SMC5: variants seen among roughly 807,000 people sequenced by gnomAD.
SMC5 encodes the protein structural maintenance of chromosomes 5.
SMC5 carries 88 observed loss-of-function variants against 148.3 expected under a neutral mutation model. The observed-to-expected ratio is 0.59, with a 90% CI of 0.50 to 0.71. The LOEUF is 0.71. Ranked by LOEUF, SMC5 falls within the 30% of genes least tolerant of loss-of-function variation. The probability of loss-of-function intolerance (pLI) is 0.00; values close to 1 mark genes in which losing one functional copy is unlikely to be tolerated. For synonymous variants in SMC5, 421 were observed against 432.8 expected, an observed-to-expected ratio of 0.97 and a Z score of 0.34; for missense variants, 1,142 against 1,298.9, an observed-to-expected ratio of 0.88 and a Z score of 1.86.
At position 70,354,173 on chromosome 9, in the gene SMC5, A is replaced by C. The variant is rs1204087245; in HGVS notation, c.*1842A>C. The C allele has an allele frequency of 6.6e-6, 1 of 152,226 alleles. No homozygotes were observed. Among genetic ancestry groups the C allele is most frequent in the Non-Finnish European group, 1.5e-5 (1 of 68,042 alleles). 9.4% of individuals were successfully genotyped at this position (152,226 alleles called of 1,614,324 possible). ...GTATCATTTTAGCATATTAAACAGT[A>C]GTAAGTCTAGCACATAGTCTCAGCC... On this transcript the variant is annotated 3_prime_UTR_variant, in exon 25 of 25. Coordinates refer to ENST00000361138, the MANE Select transcript of SMC5 (RefSeq NM_015110.4).
At chr9:70,277,498 G>T (rs1442300722) in intron 4 of SMC5, 26 bp downstream of exon 4, 1 of 1,548,672 alleles carries the variant, frequency 6.5e-7, no homozygotes, top group Non-Finnish European at 8.7e-7. Flanking sequence ...ATGTAAAGAT[G>T]GGAAAATTTT....
chr9:70,314,877 T>A, intron 12 of SMC5, 41 bp downstream of exon 12: 7 of 1,121,414 alleles, frequency 6.2e-6, no homozygotes, highest in Non-Finnish European at 9.0e-6. Flanking sequence ...AATATTGAAT[T>A]ATTCAACATT....
chr9:70,317,201 T>C (rs2035825694), intron 13 of SMC5, among the ~76,000 whole-genome samples: 1 of 152,146 alleles, frequency 6.6e-6, no homozygotes, highest in Non-Finnish European at 1.5e-5. Context: ...AATGGCTAGA[T>C]AATGGCAATA....
intron 8 of SMC5, among the ~76,000 whole-genome samples, chr9:70,293,879 A>G (rs2035129347): frequency 6.6e-6 from 1 of 152,170 alleles, no homozygotes; most frequent in Non-Finnish European, 1.5e-5. Flanking sequence ...AATTGCCAAA[A>G]TGTTCCAGAA....
At chr9:70,329,944 G>T (rs577446610) in intron 17 of SMC5, among the ~76,000 whole-genome samples, 1 of 152,282 alleles carries the variant, frequency 6.6e-6, no homozygotes, top group African/African-American at 2.4e-5. Flanking sequence ...TACCATGGCG[G>T]TGAGAGAGAA....
chr9:70,298,004 T>C lies in SMC5; in HGVS notation c.1092T>C (p.Asn364=), dbSNP rs1264101679. The change falls in exon 9 of 25, where the codon AAT becomes AAC. Residue 364 remains asparagine (N), a synonymous_variant. Coordinates refer to ENST00000361138, the MANE Select transcript of SMC5 (RefSeq NM_015110.4). ...ELQQALIVKQ[N]EELDRQRRIG... is the part of the protein sequence containing the mutation. ...AGCAGGCTTTAATAGTAAAGCAAAA[T>C]GAAGAGCTTGACCGACAGAGGAGAA... The C allele has an allele frequency of 6.2e-7, 1 of 1,613,776 alleles. No homozygotes were observed. Among genetic ancestry groups the C allele is most frequent in the Admixed American group, 1.7e-5 (1 of 60,000 alleles).
intron 24 of SMC5, 32 bp downstream of exon 24, chr9:70,350,503 T>C (rs2036779675): frequency 1.4e-6 from 2 of 1,441,542 alleles, no homozygotes; most frequent in African/African-American, 1.4e-5. Context: ...AGTGGTCATA[T>C]ACTCAGAAAT....
intron 10 of SMC5, among the ~76,000 whole-genome samples, chr9:70,302,032 G>A (rs1300428799): frequency 6.6e-6 from 1 of 152,150 alleles, no homozygotes; most frequent in East Asian, 1.9e-4. Flanking sequence ...ACAAACAGAG[G>A]GAACATCCCA....
chr9:70,264,382 C>T lies in SMC5; in HGVS notation c.264C>T (p.Ser88=), dbSNP rs973150745. Residue 88 remains serine (S), a synonymous_variant, in exon 2 of 25, where the codon AGC becomes AGT. Coordinates refer to ENST00000361138, the MANE Select transcript of SMC5 (RefSeq NM_015110.4). ...IVGANGTGKS[S]IVCAICLGLA... ...GAGCCAATGGAACAGGGAAGTCGAG[C>T]ATTGTGTGTGCCATTTGCCTTGGTT... 6.2e-7 allele frequency: 1 copy of T among 1,614,004 alleles called. No individual in the cohort carries two copies.
rs552825744 is a variant in SMC5, at chr9:70,287,742, A to C, written c.1053+1471A>C. On this transcript the variant is annotated intron_variant, in intron 8 of 24. Transcript: ENST00000361138. ...GCTTAGGGTTGTGTATGTTGGGAGAAGGGGATTGGGATGAGAAGGAGGATA... is the reference window on the plus strand; with the variant it reads ...GCTTAGGGTTGTGTATGTTGGGAGACGGGGATTGGGATGAGAAGGAGGATA... Among the ~76,000 whole-genome samples the C allele has an allele frequency of 3.9e-5, 6 of 152,326 alleles. No individual in the cohort carries two copies. In the East Asian group the frequency reaches 9.6e-4, roughly 24 times the overall value.
At chr9:70,343,713 G>A (rs1039668349) in intron 17 of SMC5, among the ~76,000 whole-genome samples, 2 of 152,122 alleles carry the variant, frequency 1.3e-5, no homozygotes, top group African/African-American at 4.8e-5. Context: ...CTACTCGGGA[G>A]GCTGAGGCGT....
At chr9:70,331,392 C>G (rs1371062964) in intron 17 of SMC5, among the ~76,000 whole-genome samples, 1 of 151,160 alleles carries the variant, frequency 6.6e-6, no homozygotes, top group Non-Finnish European at 1.5e-5. Context: ...TTAAACAAAT[C>G]AACTACTTTT....
intron 8 of SMC5, among the ~76,000 whole-genome samples, chr9:70,293,289 C>T (rs566239704): frequency 6.6e-6 from 1 of 152,158 alleles, no homozygotes; most frequent in Non-Finnish European, 1.5e-5. Context: ...ATAGAATCTG[C>T]AGTGATAACC....
At chr9:70,329,718 T>G (rs1364396719) in intron 17 of SMC5, among the ~76,000 whole-genome samples, 1 of 152,208 alleles carries the variant, frequency 6.6e-6, no homozygotes, top group African/African-American at 2.4e-5. Flanking sequence ...GTTTCCACAT[T>G]TTCAGTTATC....
intron 10 of SMC5, among the ~76,000 whole-genome samples, chr9:70,301,689 A>G (rs7021420): frequency 0.64 from 96,891 of 152,058 alleles, 31,639 homozygotes; most frequent in Non-Finnish European, 0.71. Context: ...CAAAAAAAGA[A>G]AATTTATGAA....
Position 70,352,417 on chromosome 9 carries a change from A to G in SMC5, c.*86A>G. The G allele has an allele frequency of 7.4e-7, 1 of 1,347,314 alleles. No individual in the cohort carries two copies. The highest frequency in any genetic ancestry group is 1.0e-6 in the Non-Finnish European group (1 of 998,848). The allele number at this position is 1,347,314 out of a possible 1,614,324, so 83.5% of individuals were successfully genotyped here. Reference sequence around the variant, plus strand: ...TCAACTGAATAAAAGGAGATTCACTAAAACGAAAAGCAGTTATTTTTGGAA... The same window carrying G: ...TCAACTGAATAAAAGGAGATTCACTGAAACGAAAAGCAGTTATTTTTGGAA... On this transcript the variant is annotated 3_prime_UTR_variant, in exon 25 of 25. Transcript: ENST00000361138.
chr9:70,289,337 C>T (rs1176001364), intron 8 of SMC5, among the ~76,000 whole-genome samples: 1 of 152,146 alleles, frequency 6.6e-6, no homozygotes, highest in Non-Finnish European at 1.5e-5. Context: ...CGCACCTGGC[C>T]TGATTTAGTG....
At chr9:70,283,988 G>T (rs1437649526) in intron 7 of SMC5, among the ~76,000 whole-genome samples, 6 of 152,124 alleles carry the variant, frequency 3.9e-5, no homozygotes, top group Non-Finnish European at 7.4e-5. Context: ...AGATGTGATT[G>T]TACTTTTCTC....
chr9:70,277,201 A>G (rs761551180), intron 3 of SMC5, 109 bp from the exon 4 acceptor site: 1 of 863,782 alleles, frequency 1.2e-6, no homozygotes, highest in African/African-American at 1.8e-5. Context: ...TAAAAATCAT[A>G]ATAATAATTC....
Sources: gnomAD v4.1 joint callset for allele counts (sites outside exome capture counted in the v4.1 genomes callset) on GRCh38, gnomAD v4.1.1 for gene constraint, MANE v1.5 for transcripts, NCBI Gene and HGNC (gene_info 2026-07-23, HGNC 2026-07-21) for gene names.